Variants in HRNR observed in about 807,000 individuals in gnomAD.
The protein encoded by HRNR is hornerin, also known as filaggrin family member 3.
In HRNR, 7 loss-of-function variants were observed where a neutral mutation model predicts 4.8. The observed-to-expected ratio is 1.47, with a 90% CI of 0.83 to 2.75. HRNR has a LOEUF of 2.75. Among genes scored for constraint, HRNR ranks in the 30% most tolerant of loss-of-function variants. The pLI is 0.00. For synonymous variants in HRNR, 1,023 were observed against 1,242.7 expected, an observed-to-expected ratio of 0.82 and a Z score of 3.72; for missense variants, 2,879 against 3,010.4, an observed-to-expected ratio of 0.96 and a Z score of 1.02.
At chr1:152,224,102 A>G (rs1192110773) in intron 1 of HRNR, 41 bp downstream of exon 1, 11 of 152,214 alleles carry the variant, frequency 7.2e-5, no homozygotes, top group Admixed American at 7.2e-4. Context: ...CATAATTTAT[A>G]GCCCTAAGTA....
In HRNR at chr1:152,221,235, A is replaced by C. The variant is rs75287745; in HGVS notation, c.394T>G (p.Trp132Gly). The C allele has an allele frequency of 6.7e-4, 1,084 of 1,614,148 alleles. 26 individuals carry two copies. In the East Asian group the frequency reaches 0.014, roughly 20 times the overall value. Residue 132 changes from tryptophan to glycine, a missense_variant, in exon 3 of 3, where the codon TGG (tryptophan) becomes GGG (glycine). Coordinates refer to ENST00000368801, the MANE Select transcript of HRNR (RefSeq NM_001009931.3). ...RQESSFSHSS[W>G]SAGENDSYSR... ...TAGGAATCATTCTCTCCTGCACTCCAACTTGAATGACTAAAAGAGGATTCT... is the reference window on the plus strand; with the variant it reads ...TAGGAATCATTCTCTCCTGCACTCCCACTTGAATGACTAAAAGAGGATTCT...
At position 152,219,967 on chromosome 1, in the gene HRNR, C is replaced by A. The variant is rs1308154905; in HGVS notation, c.1662G>T (p.Gln554His). Residue 554 changes from glutamine (Q) to histidine (H), a missense_variant, in exon 3 of 3, where the codon CAG (glutamine) becomes CAT (histidine). This residue lies in a region of HRNR where 2,646 missense variants were observed against 1,377.7 expected (regional missense o/e 1.92). Transcript: ENST00000368801. Reference sequence around the variant, plus strand: ...ACCCATGTGGGCCATAGCTGGAAGACTGCCTGGAACCAGACTCATGTCGGC... The same window carrying A: ...ACCCATGTGGGCCATAGCTGGAAGAATGCCTGGAACCAGACTCATGTCGGC... ...SRGRHESGSR[Q>H]SSSYGPHGYG... 9 of 1,613,246 alleles carry A rather than the reference C, an allele frequency of 5.6e-6. No individual in the cohort carries two copies. The highest frequency in any genetic ancestry group is 7.6e-6 in the Non-Finnish European group (9 of 1,179,840).
chr1:152,223,522 T>C (rs1192911630), intron 1 of HRNR, among the ~76,000 whole-genome samples: 1 of 152,118 alleles, frequency 6.6e-6, no homozygotes, highest in East Asian at 1.9e-4. Flanking sequence ...GTAGGAAAAA[T>C]GACTTTCTGT....
Position 152,218,691 on chromosome 1 carries a change from A to G in HRNR, c.2938T>C (p.Ser980Pro). ...SEQHGSSSGS[S>P]SSYGQHGSGS... ...GACCCATGCTGACCATAGCTGGAAGACGAACCTGAGCTAGATCCATGTTGT... is the reference window on the plus strand; with the variant it reads ...GACCCATGCTGACCATAGCTGGAAGGCGAACCTGAGCTAGATCCATGTTGT... The change falls in exon 3 of 3, where the codon TCT becomes CCT. Residue 980 changes from serine (S) to proline (P), a missense_variant. Transcript: ENST00000368801. 1 of 1,613,836 alleles carries G rather than the reference A, an allele frequency of 6.2e-7. No homozygotes were observed. The highest frequency in any genetic ancestry group is 8.5e-7 in the Non-Finnish European group (1 of 1,180,010).
At position 152,220,744 on chromosome 1, in the gene HRNR, G is replaced by C; in HGVS notation, c.885C>G (p.Gly295=). Residue 295 remains glycine (G), a synonymous_variant, in exon 3 of 3, where the codon GGC becomes GGG. Transcript: ENST00000368801. ...QHGSGSRQSL[G]HGRQGSGSRQ... is the part of the protein sequence containing the mutation. ...GAGATCCAGACCCTTGTCGGCCGTG[G>C]CCCAAAGACTGACGGGAACCAGACC... 6.2e-7 allele frequency: 1 copy of C among 1,614,050 alleles called. No individual in the cohort carries two copies. The highest frequency in any genetic ancestry group is 8.5e-7 in the Non-Finnish European group (1 of 1,180,010).
At position 152,219,946 on chromosome 1, in the gene HRNR, A is replaced by T; in HGVS notation, c.1683T>A (p.His561Gln). The change falls in exon 3 of 3, where the codon CAT (histidine) becomes CAA (glutamine). Residue 561 changes from histidine to glutamine, a missense_variant. This residue lies in a region of HRNR where 2,646 missense variants were observed against 1,377.7 expected (regional missense o/e 1.92). Coordinates refer to ENST00000368801, the MANE Select transcript of HRNR (RefSeq NM_001009931.3). ...TTGAAGACCTCCCTGAGCCATACCC[A>T]TGTGGGCCATAGCTGGAAGACTGCC... ...GSRQSSSYGP[H>Q]GYGSGRSSSR... 2 of 1,613,106 alleles carry T rather than the reference A, an allele frequency of 1.2e-6. No individual in the cohort carries two copies. Among genetic ancestry groups the T allele is most frequent in the African/African-American group, 1.3e-5 (1 of 74,808 alleles).
In HRNR at chr1:152,219,349, A is replaced by T. The variant is rs745643931; in HGVS notation, c.2280T>A (p.His760Gln). ...SSYGQHGSGS[H>Q]QSSGHGRQGS... The stretch of plus-strand genomic sequence containing the variant: ...CTTGTCGGCCGTGGCCCGAAGATTG[A>T]TGGGAGCCCGACCCATGCTGACCAT... Residue 760 changes from histidine to glutamine, a missense_variant, in exon 3 of 3, where the codon CAT (histidine) becomes CAA (glutamine). By Grantham distance (24) the His-to-Gln change is conservative (BLOSUM62 0). Coordinates refer to ENST00000368801, the MANE Select transcript of HRNR (RefSeq NM_001009931.3). 3.8e-5 allele frequency: 62 copies of T among 1,613,444 alleles called. No individual in the cohort carries two copies. Among genetic ancestry groups the T allele is most frequent in the Non-Finnish European group, 5.0e-5 (59 of 1,179,982 alleles).
rs149508273 is a variant in HRNR, at chr1:152,218,516, C to T, written c.3113G>A (p.Gly1038Asp). The change falls in exon 3 of 3, where the codon GGC becomes GAC. Residue 1038 changes from glycine (G) to aspartate (D), a missense_variant. Gly to Asp is a moderately conservative substitution (Grantham distance 94). Coordinates refer to ENST00000368801, the MANE Select transcript of HRNR (RefSeq NM_001009931.3). ...RSGSGWSSSR[G>D]PYESGSGHSS... ...GTGACCGGAGCCAGACTCATATGGG[C>T]CACGGCTTGAAGACCACCCTGAGCC... 2.4e-4 allele frequency: 388 copies of T among 1,613,660 alleles called. 1 individual carries two copies. The highest frequency in any genetic ancestry group is 3.1e-4 in the Non-Finnish European group (367 of 1,179,986).
Position 152,219,355 on chromosome 1 carries a change from G to A in HRNR, c.2274C>T (p.Gly758=), listed in dbSNP as rs775973535. The A allele has an allele frequency of 4.3e-6, 7 of 1,613,962 alleles. No homozygotes were observed. The Admixed American group carries it at 1.0e-4, about 23-fold the overall frequency. ...GGCCGTGGCCCGAAGATTGATGGGA[G>A]CCCGACCCATGCTGACCATAGCTGG... is the stretch of plus-strand genomic sequence containing the variant. ...LSSSYGQHGS[G]SHQSSGHGRQ... The change falls in exon 3 of 3, where the codon GGC becomes GGT. Residue 758 remains glycine (G), a synonymous_variant. Transcript: ENST00000368801.
In HRNR at chr1:152,220,702, G is replaced by A. The variant is rs188616038; in HGVS notation, c.927C>T (p.His309=). Residue 309 remains histidine, a synonymous_variant, in exon 3 of 3, where the codon CAC becomes CAT. Coordinates refer to ENST00000368801, the MANE Select transcript of HRNR (RefSeq NM_001009931.3). ...QGSGSRQSPS[H]VRHGSGSGHS... ...GCCCCGAACCGGACCCATGTCGGAC[G>A]TGGCTAGGAGACTGGCGAGATCCAG... The A allele has an allele frequency of 4.8e-5, 78 of 1,613,108 alleles. No homozygotes were observed. In the Admixed American group the frequency reaches 6.5e-4, roughly 13 times the overall value.
At position 152,219,512 on chromosome 1, in the gene HRNR, C is replaced by G. The variant is rs745555258; in HGVS notation, c.2117G>C (p.Gly706Ala). Residue 706 changes from glycine to alanine, a missense_variant, in exon 3 of 3, where the codon GGC becomes GCC. Physicochemically the swap from Gly to Ala is moderately conservative, Grantham distance 60. Around this residue, in one of 8 missense-constraint regions of HRNR, gnomAD observed 2,646 missense variants for 1,377.7 expected, o/e 1.92. Coordinates refer to ENST00000368801, the MANE Select transcript of HRNR (RefSeq NM_001009931.3). ...GQSSGFGHKS[G>A]SGQSSGYSQH... ...ACTGTAACCAGAGGACTGCCCTGAGCCAGACTTGTGACCAAAGCCGGAAGA... is the reference window on the plus strand; with the variant it reads ...ACTGTAACCAGAGGACTGCCCTGAGGCAGACTTGTGACCAAAGCCGGAAGA... 37 of 1,613,742 alleles carry G rather than the reference C, an allele frequency of 2.3e-5. No individual in the cohort carries two copies. Among genetic ancestry groups the G allele is most frequent in the East Asian group, 4.5e-5 (2 of 44,842 alleles).
At position 152,220,503 on chromosome 1, in the gene HRNR, G is replaced by T. The variant is rs760722907; in HGVS notation, c.1126C>A (p.Gln376Lys). 62 of 1,612,210 alleles carry T rather than the reference G, an allele frequency of 3.8e-5. No homozygotes were observed. The highest frequency in any genetic ancestry group is 2.0e-4 in the Admixed American group (12 of 59,890). Residue 376 changes from glutamine to lysine, a missense_variant, in exon 3 of 3, where the codon CAA becomes AAA. Gln to Lys is a moderately conservative substitution (Grantham distance 53, BLOSUM62 1). Around this residue, in one of 8 missense-constraint regions of HRNR, gnomAD observed 2,646 missense variants for 1,377.7 expected, o/e 1.92. Coordinates refer to ENST00000368801, the MANE Select transcript of HRNR (RefSeq NM_001009931.3). ...SGSGHSSSQG[Q>K]HGSTSGQASS... is the part of the protein sequence containing the mutation. ...GCCTGCCCTGACGTAGATCCATGTT[G>T]TCCCTGGCTAGAGGAGTGACCTGAG...
chr1:152,219,829 G>C lies in HRNR; in HGVS notation c.1800C>G (p.His600Gln). The C allele has an allele frequency of 6.2e-7, 1 of 1,611,838 alleles. No homozygotes were observed. The change falls in exon 3 of 3, where the codon CAC becomes CAG. Residue 600 changes from histidine to glutamine, a missense_variant. Around this residue, in one of 8 missense-constraint regions of HRNR, gnomAD observed 2,646 missense variants for 1,377.7 expected, o/e 1.92. Transcript: ENST00000368801. ...TAGAGGAATGACCCGAGCTAGATCC[G>C]TGTTGACCGTAGCCAGAGGACTGTC... Reference protein sequence around the residue: ...RSGQSSGYGQHGSSSGHSSTH... With the variant: ...RSGQSSGYGQQGSSSGHSSTH...
At position 152,220,153 on chromosome 1, in the gene HRNR, T is replaced by C. The variant is rs764408426; in HGVS notation, c.1476A>G (p.Gly492=). 6.2e-7 allele frequency: 1 copy of C among 1,613,030 alleles called. No homozygotes were observed. Among genetic ancestry groups the C allele is most frequent in the Non-Finnish European group, 8.5e-7 (1 of 1,179,434 alleles). ...ACTGTCCTGACCTAGAGCCGTGTTG[T>C]CCGTGGCCGGAGGAGTGACCTGAGC... The part of the protein sequence containing the change: ...GSGSGHSSGH[G]QHGSRSGQSS... Residue 492 remains glycine, a synonymous_variant, in exon 3 of 3, where the codon GGA becomes GGG. Coordinates refer to ENST00000368801, the MANE Select transcript of HRNR (RefSeq NM_001009931.3).
chr1:152,220,198 A>T lies in HRNR; in HGVS notation c.1431T>A (p.Gly477=), dbSNP rs1360699920. The change falls in exon 3 of 3, where the codon GGT becomes GGA. Residue 477 remains glycine, a synonymous_variant. Transcript: ENST00000368801. ...HHESSSEHSS[G]YTQHGSGSGH... ...CTGAGCCAGATCCATGCTGAGTGTA[A>T]CCAGAGGAATGCTCTGAGCTAGACT... 1.9e-6 allele frequency: 3 copies of T among 1,609,646 alleles called. No homozygotes were observed. The highest frequency in any genetic ancestry group is 1.7e-5 in the Admixed American group (1 of 59,712).
Position 152,220,957 on chromosome 1 carries a change from G to A in HRNR, c.672C>T (p.Gly224=). 3 of 1,612,460 alleles carry A rather than the reference G, an allele frequency of 1.9e-6. No individual in the cohort carries two copies. The highest frequency in any genetic ancestry group is 1.1e-5 in the South Asian group (1 of 91,086). The change falls in exon 3 of 3, where the codon GGC becomes GGT. Residue 224 remains glycine, a synonymous_variant. Coordinates refer to ENST00000368801, the MANE Select transcript of HRNR (RefSeq NM_001009931.3). The stretch of plus-strand genomic sequence containing the variant: ...GACTAAAGCCAGAAGACTGGCCTGA[G>A]CCAGACCCATGTGTGTCATTGCTGG... ...QSSSNDTHGS[G]SGQSSGFSQH...
rs1648818754 is a variant in HRNR, at chr1:152,219,113, G to C, written c.2516C>G (p.Ser839Cys). Reference sequence around the variant, plus strand: ...CGTAGATCCATGTCGTCCCTGGCTAGAGAAGTGACCTGAGGCAGAACCATG... The same window carrying C: ...CGTAGATCCATGTCGTCCCTGGCTACAGAAGTGACCTGAGGCAGAACCATG... ...SQHGSASGHF[S>C]SQGRHGSTSG... Residue 839 changes from serine (S) to cysteine (C), a missense_variant, in exon 3 of 3, where the codon TCT (serine) becomes TGT (cysteine). Coordinates refer to ENST00000368801, the MANE Select transcript of HRNR (RefSeq NM_001009931.3). 2 of 1,613,994 alleles carry C rather than the reference G, an allele frequency of 1.2e-6. No individual in the cohort carries two copies. The highest frequency in any genetic ancestry group is 1.1e-5 in the South Asian group (1 of 91,072).
intron 2 of HRNR, among the ~76,000 whole-genome samples, chr1:152,222,164 G>A (rs1649024556): frequency 6.6e-6 from 1 of 152,120 alleles, no homozygotes; most frequent in South Asian, 2.1e-4. Context: ...TCTAGGCAGA[G>A]GGAATTATAT....
rs774902217 is a variant in HRNR, at chr1:152,218,744, G to C, written c.2885C>G (p.Ser962Cys). The C allele has an allele frequency of 1.9e-6, 3 of 1,613,854 alleles. No homozygotes were observed. Among genetic ancestry groups the C allele is most frequent in the East Asian group, 4.5e-5 (2 of 44,840 alleles). ...GCTCCTAGATGACTGTCCTGACCTA[G>C]AGCCGTGTTGTTCGTAGCTGGAGGA... ...GHSSSYEQHG[S>C]RSGQSSRSEQ... is the part of the protein sequence containing the mutation. The change falls in exon 3 of 3, where the codon TCT (serine) becomes TGT (cysteine). Residue 962 changes from serine (S) to cysteine (C), a missense_variant. By Grantham distance (112) the Ser-to-Cys change is moderately radical. Around this residue, in one of 8 missense-constraint regions of HRNR, gnomAD observed 2,646 missense variants for 1,377.7 expected, o/e 1.92. Coordinates refer to ENST00000368801, the MANE Select transcript of HRNR (RefSeq NM_001009931.3).
Sources: gnomAD v4.1 joint callset for allele counts (sites outside exome capture counted in the v4.1 genomes callset) on GRCh38, gnomAD v4.1.1 for gene constraint, gnomAD v4.1.1 regional missense constraint, MANE v1.5 for transcripts, NCBI Gene and HGNC (gene_info 2026-07-23, HGNC 2026-07-21) for gene names.